The following NOP56 variants were observed in gnomAD, a reference collection of about 807,000 sequenced individuals.
The protein encoded by NOP56 is nucleolar protein 56.
In NOP56, 31 loss-of-function variants were observed where a neutral mutation model predicts 58.3. The observed-to-expected ratio is 0.53, with a 90% CI of 0.40 to 0.72. NOP56 has a LOEUF of 0.72. Among genes scored for constraint, NOP56 ranks in the 30% least tolerant of loss-of-function variants. NOP56 has a pLI of 0.00. For synonymous variants in NOP56, 313 were observed against 282.8 expected, an observed-to-expected ratio of 1.11 and a Z score of -1.07; for missense variants, 669 against 739.9, an observed-to-expected ratio of 0.90 and a Z score of 1.11.
rs1356366676 is a variant in NOP56 at position 2,657,962 on chromosome 20, C to G, written c.1453C>G (p.Gln485Glu). The change falls in exon 12 of 12, where the codon CAA becomes GAA. Residue 485 changes from glutamine to glutamate, a missense_variant. Transcript: ENST00000329276. ...MSEKPKKKKK[Q>E]KPQEVPQENG... ...TGAAAAACCCAAAAAGAAGAAAAAG[C>G]AAAAGCCCCAGGAGGTTCCTCAGGA... 1.3e-6 allele frequency: 2 copies of G among 1,588,146 alleles called. No individual in the cohort carries two copies. The highest frequency in any genetic ancestry group is 1.1e-5 in the South Asian group (1 of 87,968).
intron 11 of NOP56, chr20:2,657,728 G>T: frequency 1.6e-6 from 1 of 612,770 alleles, no homozygotes; most frequent in Admixed American, 2.8e-5. Flanking sequence ...TTAATGGGCT[G>T]AGGTAATTTC....
chr20:2,658,096 C>A lies in NOP56; in HGVS notation c.1587C>A (p.Thr529=). Residue 529 remains threonine (T), a synonymous_variant, in exon 12 of 12, where the codon ACC becomes ACA. Coordinates refer to ENST00000329276, the MANE Select transcript of NOP56 (RefSeq NM_006392.4). The part of the protein sequence containing the change: ...SSDLEETAGS[T]SIPKRKKSTP... ...ATCTTGAAGAGACCGCTGGCAGCAC[C>A]AGTATTCCCAAGAGGAAGAAGTCTA... 25 of 1,613,998 alleles carry A rather than the reference C, an allele frequency of 1.5e-5. No individual in the cohort carries two copies. The highest frequency in any genetic ancestry group is 2.1e-5 in the Non-Finnish European group (25 of 1,179,976).
At chr20:2,652,699 G>A in intron 1 of NOP56, 36 bp downstream of exon 1, 2 of 1,484,626 alleles carry the variant, frequency 1.3e-6, no homozygotes, top group South Asian at 1.3e-5. Flanking sequence ...CGACGCGACG[G>A]TGGGGGTTTC....
Position 2,654,810 on chromosome 20 carries a change from A to G in NOP56, c.432A>G (p.Ala144=), listed in dbSNP as rs1171779725. Residue 144 remains alanine (A), a synonymous_variant, in exon 5 of 12, where the codon GCA becomes GCG. Coordinates refer to ENST00000329276, the MANE Select transcript of NOP56 (RefSeq NM_006392.4). The part of the protein sequence containing the change: ...KGLTDLSACK[A]QLGLGHSYSR... ...TGACCGATCTGTCAGCTTGTAAAGC[A>G]CAGCTGGGGCTGGGACACAGCTATT... The G allele has an allele frequency of 6.2e-7, 1 of 1,614,212 alleles. No homozygotes were observed. Among genetic ancestry groups the G allele is most frequent in the Admixed American group, 1.7e-5 (1 of 60,024 alleles).
Position 2,658,332 on chromosome 20 carries a change from A to G in NOP56, c.*38A>G, listed in dbSNP as rs1186820769. The G allele has an allele frequency of 6.9e-6, 11 of 1,603,692 alleles. 1 individual carries two copies. The highest frequency in any genetic ancestry group is 9.4e-6 in the Non-Finnish European group (11 of 1,175,058). On this transcript the variant is annotated 3_prime_UTR_variant, in exon 12 of 12. Transcript: ENST00000329276. ...CATTCTCTGGGAGGTGGGGCATACC[A>G]TAGCCCAAGGTGACATTTCCCACCC...
At chr20:2,652,998 C>T in intron 2 of NOP56, 67 bp downstream of exon 2, 2 of 1,399,968 alleles carry the variant, frequency 1.4e-6, no homozygotes, top group Non-Finnish European at 9.7e-7. Flanking sequence ...CCAGCATGCA[C>T]AGCGCGCTCC....
At position 2,658,106 on chromosome 20, in the gene NOP56, A is replaced by G. The variant is rs754162757; in HGVS notation, c.1597A>G (p.Lys533Glu). 2 of 1,614,028 alleles carry G rather than the reference A, an allele frequency of 1.2e-6. No homozygotes were observed. The highest frequency in any genetic ancestry group is 1.7e-6 in the Non-Finnish European group (2 of 1,180,016). Reference sequence around the variant, plus strand: ...GACCGCTGGCAGCACCAGTATTCCCAAGAGGAAGAAGTCTACACCCAAGGA... The same window carrying G: ...GACCGCTGGCAGCACCAGTATTCCCGAGAGGAAGAAGTCTACACCCAAGGA... ...EETAGSTSIP[K>E]RKKSTPKEET... Residue 533 changes from lysine to glutamate, a missense_variant, in exon 12 of 12, where the codon AAG becomes GAG. Lys to Glu is a moderately conservative substitution (Grantham distance 56, BLOSUM62 1). Transcript: ENST00000329276.
At chr20:2,653,448 C>T (rs1408962493) in intron 3 of NOP56, 55 bp downstream of exon 3, 9 of 1,446,338 alleles carry the variant, frequency 6.2e-6, no homozygotes, top group Admixed American at 5.0e-5. Flanking sequence ...TCGGTATCCT[C>T]TCGGGCAGCT....
rs143140440 is a variant in NOP56 at position 2,657,136 on chromosome 20, G to A, written c.1337G>A (p.Arg446His). ...AAGCTGGAGAAACAGGAGAAGAAACGCTTAAAGAAGGAAAAGAAACGGCTG... is the reference window on the plus strand; with the variant it reads ...AAGCTGGAGAAACAGGAGAAGAAACACTTAAAGAAGGAAAAGAAACGGCTG... The part of the protein sequence containing the change: ...TRKLEKQEKK[R>H]LKKEKKRLAA... The change falls in exon 11 of 12, where the codon CGC becomes CAC. Residue 446 changes from arginine to histidine, a missense_variant. Physicochemically the swap from Arg to His is conservative, Grantham distance 29 (BLOSUM62 0). Around this residue, in one of 3 missense-constraint regions of NOP56, gnomAD observed 209 missense variants for 196.2 expected, o/e 1.07. Coordinates refer to ENST00000329276, the MANE Select transcript of NOP56 (RefSeq NM_006392.4). The A allele has an allele frequency of 3.5e-5, 57 of 1,614,160 alleles. No individual in the cohort carries two copies. The highest frequency in any genetic ancestry group is 4.5e-5 in the East Asian group (2 of 44,884).
chr20:2,655,186 TG>T, intron 5 of NOP56, 138 bp from the exon 6 acceptor site: 1 of 1,209,328 alleles, frequency 8.3e-7, no homozygotes, highest in Non-Finnish European at 1.2e-6. Context: ...GTATTGTGAA[TG>T]GGGGAACATA....
At chr20:2,653,084 C>T (rs1370930238) in intron 2 of NOP56, 153 bp downstream of exon 2, 2 of 778,464 alleles carry the variant, frequency 2.6e-6, no homozygotes, top group Admixed American at 2.8e-5. Context: ...TTACCTTGAC[C>T]CATGGGTAGA....
intron 7 of NOP56, 60 bp from the exon 8 acceptor site, chr20:2,655,874 C>A: frequency 2.5e-6 from 4 of 1,611,142 alleles, no homozygotes; most frequent in South Asian, 1.1e-5. Flanking sequence ...GCAGGGCTGT[C>A]GTGCAACTGG....
chr20:2,654,703 G>A (rs981409831), intron 4 of NOP56, 46 bp from the exon 5 acceptor site: 1 of 1,610,448 alleles, frequency 6.2e-7, no homozygotes, highest in African/African-American at 1.3e-5. Flanking sequence ...GGGTGCGGGA[G>A]CTAGCTCAGA....
chr20:2,655,904 C>A lies in NOP56; in HGVS notation c.910-30C>A, dbSNP rs1271191096. Reference sequence around the variant, plus strand: ...AACTGGGCAGGTCAGCAGTTCATTTCTCTGACTGCTTCCTTGACTCTCTCT... The same window carrying A: ...AACTGGGCAGGTCAGCAGTTCATTTATCTGACTGCTTCCTTGACTCTCTCT... On this transcript the variant is annotated intron_variant, in intron 7 of 11. Coordinates refer to ENST00000329276, the MANE Select transcript of NOP56 (RefSeq NM_006392.4). The A allele has an allele frequency of 1.9e-6, 3 of 1,614,044 alleles. No individual in the cohort carries two copies. The East Asian group carries it at 6.7e-5, about 36-fold the overall frequency.
chr20:2,656,837 A>T lies in NOP56; in HGVS notation c.1223A>T (p.Tyr408Phe). 1 of 1,614,152 alleles carries T rather than the reference A, an allele frequency of 6.2e-7. No homozygotes were observed. ...REQVEERLSF[Y>F]ETGEIPRKNL... ...CAAGTTGAAGAGCGACTGTCCTTCT[A>T]TGAGACTGGAGAGATACCACGAAAG... is the stretch of plus-strand genomic sequence containing the variant. Residue 408 changes from tyrosine (Y) to phenylalanine (F), a missense_variant, in exon 10 of 12, where the codon TAT (tyrosine) becomes TTT (phenylalanine). This residue lies in a region of NOP56 where 339 missense variants were observed against 430.5 expected (regional missense o/e 0.79). Coordinates refer to ENST00000329276, the MANE Select transcript of NOP56 (RefSeq NM_006392.4).
chr20:2,654,416 G>T lies in NOP56; in HGVS notation c.211G>T (p.Val71Phe), dbSNP rs774797749. Residue 71 changes from valine to phenylalanine, a missense_variant and splice_region_variant, in exon 4 of 12, where the codon GTT becomes TTT. Around this residue, in one of 3 missense-constraint regions of NOP56, gnomAD observed 121 missense variants for 113.1 expected, o/e 1.07. Transcript: ENST00000329276. ...LENANAVSEG[V>F]VHEDLRLLLE... Reference sequence around the variant, plus strand: ...GGAACTGTGTTCTTTCCCCTGAGGGGTTGTTCATGAGGACCTCCGCCTGCT... The same window carrying T: ...GGAACTGTGTTCTTTCCCCTGAGGGTTTGTTCATGAGGACCTCCGCCTGCT... 1.9e-6 allele frequency: 3 copies of T among 1,613,984 alleles called. No individual in the cohort carries two copies. The highest frequency in any genetic ancestry group is 1.3e-5 in the African/African-American group (1 of 74,898).
In NOP56 at chr20:2,653,294, C is replaced by T. The variant is rs2086775331; in HGVS notation, c.109C>T (p.Leu37Phe). The change falls in exon 3 of 12, where the codon CTC becomes TTC. Residue 37 changes from leucine to phenylalanine, a missense_variant. Leu to Phe is a conservative substitution (Grantham distance 22). Coordinates refer to ENST00000329276, the MANE Select transcript of NOP56 (RefSeq NM_006392.4). ...LLQPQVEESV[L>F]NLGKFHSIVR... ...CTCCCCCCAGGTGGAGGAGTCTGTGCTCAACCTGGGCAAATTCCACAGCAT... is the reference window on the plus strand; with the variant it reads ...CTCCCCCCAGGTGGAGGAGTCTGTGTTCAACCTGGGCAAATTCCACAGCAT... 2 of 1,613,990 alleles carry T rather than the reference C, an allele frequency of 1.2e-6. No homozygotes were observed. The highest frequency in any genetic ancestry group is 2.2e-5 in the East Asian group (1 of 44,894).
chr20:2,656,586 G>C (rs1359273628), intron 9 of NOP56, 37 bp downstream of exon 9: 5 of 1,610,968 alleles, frequency 3.1e-6, no homozygotes, highest in Non-Finnish European at 1.7e-6. Context: ...GTGAGAAGGG[G>C]CTGGGTGGCT....
chr20:2,655,941 C>T lies in NOP56; in HGVS notation c.917C>T (p.Ala306Val), dbSNP rs2086811066. 2 of 1,614,072 alleles carry T rather than the reference C, an allele frequency of 1.2e-6. No individual in the cohort carries two copies. The highest frequency in any genetic ancestry group is 1.7e-6 in the Non-Finnish European group (2 of 1,180,032). Residue 306 changes from alanine (A) to valine (V), a missense_variant, in exon 8 of 12, where the codon GCA becomes GTA. Ala to Val is a moderately conservative substitution (Grantham distance 64). Around this residue, in one of 3 missense-constraint regions of NOP56, gnomAD observed 339 missense variants for 430.5 expected, o/e 0.79. Transcript: ENST00000329276. ...LSALIGEAVG[A>V]RLIAHAGSLT... ...CCTTGACTCTCTCTCCAGGTAGGTG[C>T]ACGTCTCATCGCACATGCTGGCAGC...
Sources: gnomAD v4.1 joint callset for allele counts on GRCh38, gnomAD v4.1.1 for gene constraint, gnomAD v4.1.1 regional missense constraint, MANE v1.5 for transcripts, NCBI Gene and HGNC (gene_info 2026-07-23, HGNC 2026-07-21) for gene names.